The following DNAAF4 variants were observed in gnomAD, a reference collection of about 807,000 sequenced individuals.
The protein encoded by DNAAF4 is dynein assembly factor 4, axonemal.
A neutral mutation model predicts 51.8 loss-of-function variants in DNAAF4; 43 were observed. That is an observed-to-expected ratio of 0.83 (90% CI 0.65 to 1.07). The LOEUF (loss-of-function observed/expected upper bound fraction) is 1.07, where lower values mean the gene tolerates loss of function less well. Among genes scored for constraint, DNAAF4 ranks in the 50% least tolerant of loss-of-function variants. The probability of loss-of-function intolerance (pLI) is 0.00; values close to 1 mark genes in which losing one functional copy is unlikely to be tolerated. For missense variants in DNAAF4, 581 were observed against 493.0 expected (o/e 1.18, Z -1.69); for synonymous variants, 194 against 165.6 (o/e 1.17, Z -1.32).
At chr15:55,487,421 C>T (rs551352771) in intron 4 of DNAAF4, among the ~76,000 whole-genome samples, 1 of 152,258 alleles carries the variant, frequency 6.6e-6, no homozygotes, top group East Asian at 1.9e-4. Context: ...GTAAAATGGA[C>T]CAATCCGCAG....
At chr15:55,468,274 G>C (rs2058198574) in intron 4 of DNAAF4, among the ~76,000 whole-genome samples, 1 of 152,152 alleles carries the variant, frequency 6.6e-6, no homozygotes, top group Non-Finnish European at 1.5e-5. Flanking sequence ...ACTGAAAGGT[G>C]CTCTGTAATA....
intron 7 of DNAAF4, among the ~76,000 whole-genome samples, chr15:55,436,466 C>G (rs1489637043): frequency 6.6e-6 from 1 of 152,120 alleles, no homozygotes; most frequent in East Asian, 1.9e-4. Context: ...TCACTGCAAC[C>G]TCTACCTCCC....
intron 7 of DNAAF4, among the ~76,000 whole-genome samples, chr15:55,420,600 C>A (rs997824260): frequency 6.6e-6 from 1 of 152,104 alleles, no homozygotes; most frequent in African/African-American, 2.4e-5. Context: ...CAAATACCCC[C>A]CCAAAACTGA....
At chr15:55,501,383 T>C (rs1212751878) in intron 1 of DNAAF4, among the ~76,000 whole-genome samples, 3 of 143,630 alleles carry the variant, frequency 2.1e-5, no homozygotes, top group African/African-American at 7.8e-5. Flanking sequence ...TTTCTTTTTT[T>C]TTTTTTTTTT....
In DNAAF4 at chr15:55,452,017, C is replaced by T. The variant is rs1490108870; in HGVS notation, c.638-1650G>A. On this transcript the variant is annotated intron_variant, in intron 5 of 9. Coordinates refer to ENST00000321149, the MANE Select transcript of DNAAF4 (RefSeq NM_130810.4). ...ATCCTAGCACTTCGGGATGCTGAGGCGGGTGGATCACTTGAGGTCAGGAGT... is the reference window on the plus strand; with the variant it reads ...ATCCTAGCACTTCGGGATGCTGAGGTGGGTGGATCACTTGAGGTCAGGAGT... 4.0e-5 allele frequency among the ~76,000 whole-genome samples: 6 copies of T among 151,814 alleles called. No homozygotes were observed. The South Asian group carries it at 8.3e-4, about 21-fold the overall frequency.
chr15:55,429,579 A>G, downstream of DNAAF4, among the ~76,000 whole-genome samples: 1 of 151,140 alleles, frequency 6.6e-6, no homozygotes, highest in Non-Finnish European at 1.5e-5. Flanking sequence ...GCACTTTGGG[A>G]GGCCAAGGTG....
At position 55,449,695 on chromosome 15, in the gene DNAAF4, G is replaced by GTTTT. The variant is rs1195492282; in HGVS notation, c.783+526_783+527insAAAA. Among the ~76,000 whole-genome samples the GTTTT allele has an allele frequency of 2.6e-4, 9 of 35,286 alleles. 1 individual carries two copies. The highest frequency in any genetic ancestry group is 1.2e-3 in the South Asian group (1 of 824). 23.1% of individuals were successfully genotyped at this position (35,286 alleles called of 152,430 possible). On this transcript the variant is annotated intron_variant, in intron 6 of 9. Coordinates refer to ENST00000321149, the MANE Select transcript of DNAAF4 (RefSeq NM_130810.4). ...AACAAACAACAACAACAAAAAGACC[G>GTTTT]CTTTTTTTTTTTTTTTTTTTTGATT...
chr15:55,486,257 G>T (rs1447844505), intron 4 of DNAAF4, among the ~76,000 whole-genome samples: 3 of 149,796 alleles, frequency 2.0e-5, no homozygotes, highest in Non-Finnish European at 3.0e-5. Flanking sequence ...GCAATGGCAT[G>T]ATCTCAGCTC....
chr15:55,493,891 G>A (rs1393816145), intron 3 of DNAAF4, among the ~76,000 whole-genome samples: 1 of 147,906 alleles, frequency 6.8e-6, no homozygotes, highest in Non-Finnish European at 1.5e-5. Context: ...TTTAATAGAG[G>A]TGAAGTCTCC....
At chr15:55,502,522 TTA>T (rs1488802661) in intron 1 of DNAAF4, among the ~76,000 whole-genome samples, 3 of 152,154 alleles carry the variant, frequency 2.0e-5, no homozygotes, top group African/African-American at 7.2e-5. Flanking sequence ...TTATGTAAAC[TTA>T]TATTGAATAA....
chr15:55,484,476 C>T (rs2058458278), intron 4 of DNAAF4, among the ~76,000 whole-genome samples: 1 of 148,200 alleles, frequency 6.7e-6, no homozygotes, highest in Non-Finnish European at 1.5e-5. Context: ...CAGAGTGAGA[C>T]TCCGTCTCAG....
intron 4 of DNAAF4, among the ~76,000 whole-genome samples, chr15:55,469,649 A>G (rs2058223579): frequency 6.6e-6 from 1 of 150,744 alleles, no homozygotes; most frequent in Non-Finnish European, 1.5e-5. Flanking sequence ...CACCTGGCTA[A>G]TTTATTTTTT....
At chr15:55,451,065 C>G (rs2057924995) in intron 5 of DNAAF4, among the ~76,000 whole-genome samples, 1 of 152,188 alleles carries the variant, frequency 6.6e-6, no homozygotes, top group African/African-American at 2.4e-5. Flanking sequence ...CCATACACTC[C>G]AGCCTGGGCA....
intron 7 of DNAAF4, among the ~76,000 whole-genome samples, chr15:55,438,100 G>C (rs1184688251): frequency 2.0e-5 from 3 of 152,162 alleles, no homozygotes; most frequent in South Asian, 4.1e-4. Context: ...GCCGGGTGCA[G>C]TGGCTCACAC....
chr15:55,421,277 G>A (rs191101597), intron 7 of DNAAF4, among the ~76,000 whole-genome samples: 1 of 151,520 alleles, frequency 6.6e-6, no homozygotes, highest in Non-Finnish European at 1.5e-5. Flanking sequence ...GAGGTGGTCC[G>A]ATTACAGGAA....
At chr15:55,488,788 T>TG in intron 4 of DNAAF4, among the ~76,000 whole-genome samples, 1 of 152,222 alleles carries the variant, frequency 6.6e-6, no homozygotes, top group South Asian at 2.1e-4. Context: ...CTTTCATACA[T>TG]TAGTAAATTG....
chr15:55,461,821 A>T (rs562244551), intron 5 of DNAAF4, among the ~76,000 whole-genome samples: 24 of 152,346 alleles, frequency 1.6e-4, no homozygotes, highest in African/African-American at 3.8e-4. Flanking sequence ...AAAGAAAAAA[A>T]TACAAAAGAA....
At chr15:55,441,644 ATGAGTGAGAACATGTGGTGTT>A (rs1378480648) in intron 6 of DNAAF4, among the ~76,000 whole-genome samples, 3 of 148,566 alleles carry the variant, frequency 2.0e-5, no homozygotes, top group Non-Finnish European at 3.0e-5. Flanking sequence ...ATTCCCACCT[ATGAGTGAGAACATGTGGTGTT>A]TGGTTTTTTG....
rs1387498480 is a variant in DNAAF4 at position 55,439,480 on chromosome 15, A to C, written c.885T>G (p.Asp295Glu). 4 of 1,613,184 alleles carry C rather than the reference A, an allele frequency of 2.5e-6. No individual in the cohort carries two copies. Among genetic ancestry groups the C allele is most frequent in the Non-Finnish European group, 3.4e-6 (4 of 1,179,364 alleles). ...EEEKNPEWLKDKGNKLFATEN... is the reference protein window; with the variant it reads ...EEEKNPEWLKEKGNKLFATEN... Reference sequence around the variant, plus strand: ...GAGTTCAAACAACTTACTTTCCTTTATCCTTCAACCATTCTGGGTTCTTTT... The same window carrying C: ...GAGTTCAAACAACTTACTTTCCTTTCTCCTTCAACCATTCTGGGTTCTTTT... Residue 295 changes from aspartate to glutamate, a missense_variant, in exon 7 of 10, where the codon GAT becomes GAG. Coordinates refer to ENST00000321149, the MANE Select transcript of DNAAF4 (RefSeq NM_130810.4).
Sources: allele counts gnomAD v4.1 joint callset (sites outside exome capture counted in the v4.1 genomes callset), GRCh38; gene constraint gnomAD v4.1.1; transcripts MANE v1.5; gene names NCBI Gene and HGNC (gene_info 2026-07-23, HGNC 2026-07-21).